Variants in U2SURP observed in about 807,000 individuals in gnomAD.
U2SURP encodes U2 snRNP-associated SURP motif-containing protein.
In U2SURP, 9 loss-of-function variants were observed where a neutral mutation model predicts 144.9. The observed-to-expected ratio is 0.06, with a 90% CI of 0.04 to 0.11. U2SURP has a LOEUF of 0.11. Ranked by LOEUF, U2SURP falls within the 10% of genes least tolerant of loss-of-function variation. U2SURP has a pLI of 1.00. For missense variants in U2SURP, 724 were observed against 1,226.7 expected (o/e 0.59, Z 6.12); for synonymous variants, 408 against 396.8 (o/e 1.03, Z -0.33).
chr3:143,037,830 T>C (rs1933893531), intron 21 of U2SURP, among the ~76,000 whole-genome samples: 1 of 152,138 alleles, frequency 6.6e-6, no homozygotes, highest in African/African-American at 2.4e-5. Context: ...TTTCAGAGAT[T>C]AGGTAAAGAT....
chr3:143,003,849 G>T (rs2108263650), intron 1 of U2SURP, among the ~76,000 whole-genome samples: 1 of 151,646 alleles, frequency 6.6e-6, no homozygotes, highest in African/African-American at 2.4e-5. Flanking sequence ...CCGCCAGTAC[G>T]CCCGGCTAAT....
At chr3:143,052,949 G>GT in intron 25 of U2SURP, among the ~76,000 whole-genome samples, 1 of 73,960 alleles carries the variant, frequency 1.4e-5, no homozygotes, top group Non-Finnish European at 2.5e-5. Flanking sequence ...CAAATGTGTT[G>GT]GTTTTTTTTT....
chr3:143,011,926 T>C, intron 2 of U2SURP: 1 of 515,078 alleles, frequency 1.9e-6, no homozygotes, highest in South Asian at 1.5e-5. Context: ...CTATGGTGAA[T>C]CAGACTTGGG....
chr3:143,043,372 T>C, intron 24 of U2SURP, 96 bp downstream of exon 24: 1 of 1,281,908 alleles, frequency 7.8e-7, no homozygotes, highest in Non-Finnish European at 1.1e-6. Context: ...TAGTACATAC[T>C]GTTCCTTCTC....
At chr3:143,039,063 T>G in intron 23 of U2SURP, 103 bp downstream of exon 23, 1 of 837,626 alleles carries the variant, frequency 1.2e-6, no homozygotes, top group Non-Finnish European at 1.7e-6. Context: ...ACTTCACTCT[T>G]AAAAAATTTT....
intron 1 of U2SURP, among the ~76,000 whole-genome samples, chr3:143,006,379 T>C (rs1935833595): frequency 6.6e-6 from 1 of 152,198 alleles, no homozygotes; most frequent in Non-Finnish European, 1.5e-5. Flanking sequence ...GCACTTGTTC[T>C]GACAAGTCAA....
intron 23 of U2SURP, 139 bp downstream of exon 23, chr3:143,039,099 A>G (rs950694233): frequency 3.8e-6 from 2 of 523,036 alleles, no homozygotes; most frequent in African/African-American, 2.0e-5. Flanking sequence ...TTAGTTCTCC[A>G]TTGGTTTTCC....
At chr3:143,041,477 G>T (rs1934100844) in intron 23 of U2SURP, among the ~76,000 whole-genome samples, 1 of 151,864 alleles carries the variant, frequency 6.6e-6, no homozygotes, top group Non-Finnish European at 1.5e-5. Context: ...GATTTGTGTG[G>T]TTCTGAAGAT....
At chr3:143,035,912 T>C (rs1933786088) in intron 19 of U2SURP, 70 bp from the exon 20 acceptor site, 2 of 1,462,962 alleles carry the variant, frequency 1.4e-6, no homozygotes, top group Non-Finnish European at 9.0e-7. Context: ...TTGATGATCA[T>C]TCTCATGAAC....
chr3:143,022,791 G>A, intron 11 of U2SURP, 62 bp from the exon 12 acceptor site: 1 of 1,467,140 alleles, frequency 6.8e-7, no homozygotes, highest in Non-Finnish European at 9.0e-7. Context: ...CAACTCACCA[G>A]AAAAATTTTG....
rs1050350572 is a variant in U2SURP, at chr3:143,060,330, T to C, written c.*3880T>C. The C allele has an allele frequency of 2.0e-5, 3 of 152,022 alleles. No individual in the cohort carries two copies. The highest frequency in any genetic ancestry group is 7.2e-5 in the African/African-American group (3 of 41,418). The allele number at this position is 152,022 out of a possible 1,614,324, so 9.4% of individuals were successfully genotyped here. Reference sequence around the variant, plus strand: ...AGTTGAAATCAGTTGGGCTAAAATATTCTACAGCAAGACAATTTCTTTTGG... The same window carrying C: ...AGTTGAAATCAGTTGGGCTAAAATACTCTACAGCAAGACAATTTCTTTTGG... On this transcript the variant is annotated 3_prime_UTR_variant, in exon 28 of 28. Transcript: ENST00000473835.
intron 24 of U2SURP, among the ~76,000 whole-genome samples, chr3:143,048,614 C>T (rs577617035): frequency 1.4e-4 from 22 of 152,298 alleles, no homozygotes; most frequent in African/African-American, 5.3e-4. Flanking sequence ...ATAAAAGACC[C>T]TGATTATGGA....
chr3:143,005,446 GC>G (rs1935786026), intron 1 of U2SURP, among the ~76,000 whole-genome samples: 1 of 152,140 alleles, frequency 6.6e-6, no homozygotes, highest in Non-Finnish European at 1.5e-5. Context: ...CAAACAGTTT[GC>G]CAATTTTAAA....
chr3:143,044,894 G>A (rs6796665), intron 24 of U2SURP, among the ~76,000 whole-genome samples: 1 of 152,144 alleles, frequency 6.6e-6, no homozygotes, highest in African/African-American at 2.4e-5. Flanking sequence ...AGTCAGCGTG[G>A]TGTCATTTTT....
At chr3:143,018,072 A>G (rs1271344601) in intron 6 of U2SURP, among the ~76,000 whole-genome samples, 1 of 152,178 alleles carries the variant, frequency 6.6e-6, no homozygotes, top group Non-Finnish European at 1.5e-5. Flanking sequence ...AAGAAAAAAA[A>G]TTTAAATAAA....
chr3:143,003,677 C>CTTTTTTTTTTTTT (rs60505715), intron 1 of U2SURP, among the ~76,000 whole-genome samples: 7 of 101,508 alleles, frequency 6.9e-5, no homozygotes, highest in South Asian at 3.7e-4. Flanking sequence ...TATTTTATTT[C>CTTTTTTTTTTTTT]TTTTTTTTTT....
intron 6 of U2SURP, among the ~76,000 whole-genome samples, chr3:143,019,549 A>G (rs1041693801): frequency 3.9e-5 from 6 of 152,334 alleles, no homozygotes; most frequent in Admixed American, 1.3e-4. Context: ...ATTCTTCCCT[A>G]TTAAATTATG....
At chr3:143,009,534 G>C (rs894431015) in intron 1 of U2SURP, among the ~76,000 whole-genome samples, 8 of 151,994 alleles carry the variant, frequency 5.3e-5, no homozygotes, top group Non-Finnish European at 1.2e-4. Flanking sequence ...GGAGGCGGAG[G>C]CTGCAGTGAG....
chr3:143,001,582 G>T lies in U2SURP; in HGVS notation c.-47G>T. 2 of 1,609,630 alleles carry T rather than the reference G, an allele frequency of 1.2e-6. No homozygotes were observed. Among genetic ancestry groups the T allele is most frequent in the Non-Finnish European group, 1.7e-6 (2 of 1,178,230 alleles). On this transcript the variant is annotated 5_prime_UTR_variant, in exon 1 of 28. Transcript: ENST00000473835. ...ACTGAGATCCGCTCTTTCGGTGCTC[G>T]ACTCGCCCGTGCTGCTGCCGCCGCC...
Sources: gnomAD v4.1 joint callset for allele counts (sites outside exome capture counted in the v4.1 genomes callset) on GRCh38, gnomAD v4.1.1 for gene constraint, MANE v1.5 for transcripts, NCBI Gene and HGNC (gene_info 2026-07-23, HGNC 2026-07-21) for gene names.